SORT1: variants seen among roughly 807,000 people sequenced by gnomAD.
The protein encoded by SORT1 is sortilin 1.
SORT1 carries 39 observed loss-of-function variants against 101.7 expected under a neutral mutation model. That is an observed-to-expected ratio of 0.38 (90% confidence interval 0.30 to 0.50). The LOEUF is 0.50. SORT1 is among the 20% of genes least tolerant of loss of function. The probability of loss-of-function intolerance (pLI) is 0.90; values close to 1 mark genes in which losing one functional copy is unlikely to be tolerated. For synonymous variants in SORT1, 396 were observed against 393.7 expected, an observed-to-expected ratio of 1.01 and a Z score of -0.07; for missense variants, 878 against 1,040.4, an observed-to-expected ratio of 0.84 and a Z score of 2.15.
chr1:109,342,239 T>C (rs925169893), intron 8 of SORT1, 81 bp from the exon 9 acceptor site: 20 of 1,027,290 alleles, frequency 1.9e-5, no homozygotes, highest in Middle Eastern at 3.1e-4. Flanking sequence ...ATGTTTTAAA[T>C]AACTACTATT....
At position 109,375,541 on chromosome 1, in the gene SORT1, CAAA is replaced by C. The variant is rs57014091; in HGVS notation, c.307-5955_307-5953del. 8.7e-4 allele frequency among the ~76,000 whole-genome samples: 62 copies of C among 71,084 alleles called. 2 individuals are homozygous for C. The highest frequency in any genetic ancestry group is 3.2e-3 in the African/African-American group (54 of 16,736). 46.6% of individuals were successfully genotyped at this position (71,084 alleles called of 152,430 possible). A position where few individuals can be genotyped will look rare whatever the true frequency, so the allele number is the denominator to read the frequency against. On this transcript the variant is annotated intron_variant, in intron 1 of 19. Transcript: ENST00000256637. ...CCTGGGCGACAGTGAGACTCCGTTT[CAAA>C]AAAAAAAAAAAAAGATATAATAGCC...
At chr1:109,355,088 G>A (rs959855736) in intron 4 of SORT1, among the ~76,000 whole-genome samples, 1 of 152,044 alleles carries the variant, frequency 6.6e-6, no homozygotes, top group Non-Finnish European at 1.5e-5. Flanking sequence ...AGGAGTGGTG[G>A]CAAGAGCCTG....
chr1:109,371,159 C>T (rs543757420), intron 1 of SORT1, among the ~76,000 whole-genome samples: 2 of 152,308 alleles, frequency 1.3e-5, no homozygotes, highest in East Asian at 1.9e-4. Flanking sequence ...CTCAAATGCT[C>T]GGCAGAGCTT....
intron 1 of SORT1, among the ~76,000 whole-genome samples, chr1:109,396,463 A>G (rs894879934): frequency 6.6e-6 from 1 of 152,166 alleles, no homozygotes; most frequent in Non-Finnish European, 1.5e-5. Flanking sequence ...CTCCAGCACT[A>G]GCTTGGCTAC....
chr1:109,363,936 C>G (rs1015396381), intron 3 of SORT1, among the ~76,000 whole-genome samples: 1 of 152,172 alleles, frequency 6.6e-6, no homozygotes, highest in African/African-American at 2.4e-5. Context: ...TGGCCAGTCA[C>G]TTTAAGCCAG....
At chr1:109,359,295 TA>T (rs1176345237) in intron 3 of SORT1, among the ~76,000 whole-genome samples, 1 of 152,128 alleles carries the variant, frequency 6.6e-6, no homozygotes, top group Non-Finnish European at 1.5e-5. Context: ...CCTTATGACC[TA>T]ATCACTTACC....
At chr1:109,359,418 T>G (rs1650566634) in intron 3 of SORT1, among the ~76,000 whole-genome samples, 1 of 152,098 alleles carries the variant, frequency 6.6e-6, no homozygotes, top group Admixed American at 6.5e-5. Flanking sequence ...ACCCTGCCCC[T>G]CCACTCCATT....
intron 1 of SORT1, among the ~76,000 whole-genome samples, chr1:109,380,718 C>T (rs567856023): frequency 1.4e-5 from 2 of 144,338 alleles, no homozygotes; most frequent in African/African-American, 5.1e-5. Context: ...TGGCTCACAC[C>T]TGTAATCCCA....
At chr1:109,369,913 T>C (rs1264353789) in intron 1 of SORT1, among the ~76,000 whole-genome samples, 1 of 152,204 alleles carries the variant, frequency 6.6e-6, no homozygotes, top group Non-Finnish European at 1.5e-5. Flanking sequence ...TAGCAAAGTA[T>C]TTTTAGGATG....
At chr1:109,348,876 C>T (rs1242963687) in intron 6 of SORT1, among the ~76,000 whole-genome samples, 1 of 151,940 alleles carries the variant, frequency 6.6e-6, no homozygotes, top group Non-Finnish European at 1.5e-5. Flanking sequence ...GGCTGAAGTG[C>T]GAGGATCACT....
intron 15 of SORT1, among the ~76,000 whole-genome samples, chr1:109,321,424 G>A (rs868027425): frequency 3.3e-5 from 5 of 152,192 alleles, no homozygotes; most frequent in African/African-American, 1.2e-4. Flanking sequence ...CACTGCTGGA[G>A]AAGAGCAGAA....
intron 2 of SORT1, among the ~76,000 whole-genome samples, chr1:109,368,097 T>C (rs1651211947): frequency 6.6e-6 from 1 of 151,904 alleles, no homozygotes; most frequent in Admixed American, 6.6e-5. Flanking sequence ...AGTTCGAGAC[T>C]AGCCTGGCTA....
At chr1:109,356,669 A>C (rs1209857115) in intron 3 of SORT1, among the ~76,000 whole-genome samples, 1 of 152,242 alleles carries the variant, frequency 6.6e-6, no homozygotes, top group African/African-American at 2.4e-5. Flanking sequence ...AGAAGTCTGT[A>C]AGGCACTCAG....
At chr1:109,383,475 A>C (rs1008985138) in intron 1 of SORT1, among the ~76,000 whole-genome samples, 9 of 152,244 alleles carry the variant, frequency 5.9e-5, no homozygotes, top group Non-Finnish European at 1.3e-4. Flanking sequence ...TCACAATGAA[A>C]ATAAAACTAC....
intron 12 of SORT1, 23 bp downstream of exon 12, chr1:109,327,476 G>A (rs1467182076): frequency 6.3e-6 from 9 of 1,424,144 alleles, no homozygotes; most frequent in Admixed American, 5.6e-5. Flanking sequence ...CCAGTTGGAG[G>A]TGGTGAGTGG....
At position 109,314,220 on chromosome 1, in the gene SORT1, TGG is replaced by T. The variant is rs56356949; in HGVS notation, c.2481+39_2481+40del. 9,362 of 1,307,480 alleles carry T rather than the reference TGG, an allele frequency of 7.2e-3. 33 individuals carry two copies. Among genetic ancestry groups the T allele is most frequent in the Non-Finnish European group, 8.2e-3 (7,713 of 942,008 alleles). The allele number at this position is 1,307,480 out of a possible 1,614,324, so 81.0% of individuals were successfully genotyped here. ...ACAGACTTTATTTTCTTGTATTTTTTGGGGGGGGGGGTACTACCATTCAAGAA... is the reference window on the plus strand; with the variant it reads ...ACAGACTTTATTTTCTTGTATTTTTTGGGGGGGGGTACTACCATTCAAGAA... On this transcript the variant is annotated intron_variant, in intron 19 of 19. Transcript: ENST00000256637.
intron 13 of SORT1, 108 bp downstream of exon 13, chr1:109,326,884 A>G: frequency 1.2e-6 from 1 of 807,904 alleles, no homozygotes; most frequent in Non-Finnish European, 1.9e-6. Context: ...AGTTCTGTCA[A>G]ATGCAAAAAT....
intron 14 of SORT1, among the ~76,000 whole-genome samples, chr1:109,324,627 C>G (rs1023913211): frequency 3.3e-5 from 5 of 152,092 alleles, no homozygotes; most frequent in Admixed American, 2.0e-4. Flanking sequence ...TTATTAATAT[C>G]ACCTTTCTTT....
intron 1 of SORT1, among the ~76,000 whole-genome samples, chr1:109,377,025 C>CTA (rs1427429424): frequency 6.6e-6 from 1 of 152,138 alleles, no homozygotes; most frequent in Non-Finnish European, 1.5e-5. Flanking sequence ...AGCCTAAGTC[C>CTA]CATCTTTCAC....
Sources: allele counts gnomAD v4.1 joint callset (sites outside exome capture counted in the v4.1 genomes callset), GRCh38; gene constraint gnomAD v4.1.1; transcripts MANE v1.5; gene names NCBI Gene and HGNC (gene_info 2026-07-23, HGNC 2026-07-21).